The following PTPRB variants were observed in gnomAD, a reference collection of about 807,000 sequenced individuals.
The protein encoded by PTPRB is protein tyrosine phosphatase receptor type B.
PTPRB carries 97 observed loss-of-function variants against 238.1 expected under a neutral mutation model. That is an observed-to-expected ratio of 0.41 (90% CI 0.35 to 0.48). PTPRB has a LOEUF of 0.48. Among genes scored for constraint, PTPRB ranks in the 20% least tolerant of loss-of-function variants. PTPRB has a pLI of 0.30. For synonymous variants in PTPRB, 970 were observed against 995.4 expected (o/e 0.97, Z 0.48); for missense variants, 2,292 against 2,681.9 (o/e 0.85, Z 3.21).
At chr12:70,568,443 G>A (rs1172492983) in intron 14 of PTPRB, among the ~76,000 whole-genome samples, 1 of 129,570 alleles carries the variant, frequency 7.7e-6, no homozygotes, top group Non-Finnish European at 1.8e-5. Flanking sequence ...GACTACAGGC[G>A]TCTGCCATCA....
At chr12:70,567,087 A>G (rs949159268) in intron 14 of PTPRB, among the ~76,000 whole-genome samples, 1 of 152,196 alleles carries the variant, frequency 6.6e-6, no homozygotes, top group African/African-American at 2.4e-5. Flanking sequence ...TTAGACTTTT[A>G]TTACTAACAT....
chr12:70,525,365 T>C (rs755603519), intron 32 of PTPRB: 1 of 152,086 alleles, frequency 6.6e-6, no homozygotes, highest in African/African-American at 2.4e-5. Context: ...TCTAGGAAGA[T>C]AGTGAAAAAA....
chr12:70,549,180 C>T lies in PTPRB; in HGVS notation c.5387+3597G>A, dbSNP rs1260884464. ...TAGAAAGATAATTATGAATATGACA[C>T]AATAACAAGACACTATTTTTAATGA... On this transcript the variant is annotated intron_variant, in intron 21 of 33. Transcript: ENST00000334414. Among the ~76,000 whole-genome samples the T allele has an allele frequency of 3.3e-5, 5 of 152,166 alleles. No individual in the cohort carries two copies. In the East Asian group the frequency reaches 9.6e-4, roughly 29 times the overall value.
intron 15 of PTPRB, 50 bp downstream of exon 15, chr12:70,566,385 T>G (rs73140144): frequency 6.3e-7 from 1 of 1,588,104 alleles, no homozygotes; most frequent in Non-Finnish European, 8.6e-7. Flanking sequence ...TCTTACACAA[T>G]AGCAGACATT....
chr12:70,590,205 T>A lies in PTPRB; in HGVS notation c.1809A>T (p.Ala603=). The change falls in exon 8 of 34, where the codon GCA becomes GCT. Residue 603 remains alanine, a synonymous_variant. Transcript: ENST00000334414. ...GAGACCTCATCCTGCCATTATTGTT[T>A]GCCTCCAGGTTTGCAACTTTGTCTG... ...TFPDKVANLE[A]NNNGRMRSLV... 6.3e-7 allele frequency: 1 copy of A among 1,577,008 alleles called. No homozygotes were observed. The highest frequency in any genetic ancestry group is 8.6e-7 in the Non-Finnish European group (1 of 1,160,082).
rs1479380264 is a variant in PTPRB, at chr12:70,559,678, T to A, written c.4433-54A>T. 6.8e-6 allele frequency: 10 copies of A among 1,478,462 alleles called. No individual in the cohort carries two copies. The South Asian group carries it at 1.1e-4, about 16-fold the overall frequency. 91.6% of individuals were successfully genotyped at this position (1,478,462 alleles called of 1,614,324 possible). ...ATAATCACAGCTATGCCATAACATATACAAATAAGATAGCTGAGCAACATC... is the reference window on the plus strand; with the variant it reads ...ATAATCACAGCTATGCCATAACATAAACAAATAAGATAGCTGAGCAACATC... On this transcript the variant is annotated intron_variant, in intron 17 of 33. Transcript: ENST00000334414.
chr12:70,564,919 T>C (rs2136347289), intron 15 of PTPRB, among the ~76,000 whole-genome samples: 1 of 151,040 alleles, frequency 6.6e-6, no homozygotes, highest in East Asian at 1.9e-4. Flanking sequence ...AAGCCCCAAC[T>C]CTTGCTATCC....
intron 11 of PTPRB, among the ~76,000 whole-genome samples, chr12:70,574,231 G>C (rs946038566): frequency 2.6e-5 from 4 of 152,158 alleles, no homozygotes; most frequent in African/African-American, 7.2e-5. Context: ...AAATGATCCA[G>C]AAATTTCAGT....
In PTPRB at chr12:70,575,024, A is replaced by T. The variant is rs115145546; in HGVS notation, c.2842+1358T>A. The stretch of plus-strand genomic sequence containing the variant: ...CCAAGTTGATCAATATGAGACCCTG[A>T]CATAAGACTGCTTTGTAAATAGAAA... On this transcript the variant is annotated intron_variant, in intron 11 of 33. Transcript: ENST00000334414. Among the ~76,000 whole-genome samples the T allele has an allele frequency of 3.5e-3, 528 of 152,324 alleles. 2 individuals are homozygous for T. The highest frequency in any genetic ancestry group is 0.012 in the African/African-American group (510 of 41,562).
At chr12:70,545,044 G>A (rs1275939250) in intron 21 of PTPRB, among the ~76,000 whole-genome samples, 2 of 152,220 alleles carry the variant, frequency 1.3e-5, no homozygotes, top group African/African-American at 2.4e-5. Context: ...TGGGAATAAA[G>A]CATGTGGGAC....
intron 11 of PTPRB, among the ~76,000 whole-genome samples, chr12:70,572,446 A>T (rs1880174198): frequency 6.6e-6 from 1 of 152,096 alleles, no homozygotes; most frequent in South Asian, 2.1e-4. Context: ...ACTAAGAAGA[A>T]TATAAGCAAT....
chr12:70,629,294 A>G (rs562660353), intron 2 of PTPRB, among the ~76,000 whole-genome samples: 17 of 152,176 alleles, frequency 1.1e-4, no homozygotes, highest in Non-Finnish European at 2.5e-4. Flanking sequence ...TAAAAAATTC[A>G]CTCAAAACCG....
In PTPRB at chr12:70,552,906, T is replaced by C. The variant is rs773051553; in HGVS notation, c.5258A>G (p.Glu1753Gly). The C allele has an allele frequency of 2.8e-5, 45 of 1,614,004 alleles. No homozygotes were observed. The highest frequency in any genetic ancestry group is 3.6e-5 in the Non-Finnish European group (42 of 1,179,892). The change falls in exon 21 of 34, where the codon GAA (glutamate) becomes GGA (glycine). Residue 1753 changes from glutamate to glycine, a missense_variant. This residue lies in a region of PTPRB where 683 missense variants were observed against 862.0 expected (regional missense o/e 0.79). Coordinates refer to ENST00000334414, the MANE Select transcript of PTPRB (RefSeq NM_001109754.4). ...QTNYFASKCA[E>G]NPNSNSKSFN... ...ACTCTTGGAGTTGCTGTTAGGATTT[T>C]CGGCACATTTGCTGGCAAAATAATT...
intron 14 of PTPRB, 106 bp from the exon 15 acceptor site, chr12:70,566,810 T>C: frequency 1.6e-6 from 2 of 1,214,908 alleles, no homozygotes; most frequent in Non-Finnish European, 1.2e-6. Flanking sequence ...GATGATGCAT[T>C]TGCTTTATTT....
intron 8 of PTPRB, 102 bp from the exon 9 acceptor site, chr12:70,587,369 T>C: frequency 7.6e-7 from 1 of 1,322,498 alleles, no homozygotes; most frequent in South Asian, 1.5e-5. Flanking sequence ...GTGTTTCAGT[T>C]CAACATTTAT....
chr12:70,588,004 G>A (rs1341382439), intron 8 of PTPRB, among the ~76,000 whole-genome samples: 4 of 150,246 alleles, frequency 2.7e-5, no homozygotes, highest in Non-Finnish European at 4.4e-5. Context: ...GCTGAGGCAT[G>A]AGAATTGCTT....
At chr12:70,590,935 T>G (rs917213872) in intron 7 of PTPRB, among the ~76,000 whole-genome samples, 1 of 137,152 alleles carries the variant, frequency 7.3e-6, no homozygotes, top group Non-Finnish European at 1.6e-5. Flanking sequence ...TTCTATTTCC[T>G]CCAAGTTTTT....
At chr12:70,554,165 A>G (rs1193836743) in intron 20 of PTPRB, among the ~76,000 whole-genome samples, 2 of 152,238 alleles carry the variant, frequency 1.3e-5, no homozygotes, top group Non-Finnish European at 2.9e-5. Context: ...TAGTACAATT[A>G]AATAAACTGT....
chr12:70,633,798 T>C (rs1053187220), intron 2 of PTPRB, among the ~76,000 whole-genome samples: 3 of 152,164 alleles, frequency 2.0e-5, no homozygotes, highest in African/African-American at 7.2e-5. Context: ...ATGAATTATC[T>C]TTTATCTTGA....
Sources: gnomAD v4.1 joint callset for allele counts (sites outside exome capture counted in the v4.1 genomes callset) on GRCh38, gnomAD v4.1.1 for gene constraint, gnomAD v4.1.1 regional missense constraint, MANE v1.5 for transcripts, NCBI Gene and HGNC (gene_info 2026-07-23, HGNC 2026-07-21) for gene names.